The following THSD4 variants were observed in gnomAD, a reference collection of about 807,000 sequenced individuals.
THSD4 encodes the protein thrombospondin type-1 domain-containing protein 4.
THSD4 carries 69 observed loss-of-function variants against 119.0 expected under a neutral mutation model. That is an observed-to-expected ratio of 0.58 (90% confidence interval 0.48 to 0.71). The LOEUF is 0.71. THSD4 is among the 30% of genes least tolerant of loss of function. The pLI, the probability that THSD4 is intolerant of heterozygous loss-of-function variation, is 0.00. For synonymous variants in THSD4, 524 were observed against 540.4 expected (o/e 0.97, Z 0.42); for missense variants, 1,393 against 1,391.1 (o/e 1.00, Z -0.02).
intron 6 of THSD4, among the ~76,000 whole-genome samples, chr15:71,349,281 G>A (rs1286532156): frequency 6.6e-6 from 1 of 152,216 alleles, no homozygotes; most frequent in Non-Finnish European, 1.5e-5. Context: ...GGCCAGCCCA[G>A]AAAAGCACCT....
intron 7 of THSD4, among the ~76,000 whole-genome samples, chr15:71,636,881 AT>A (rs1453613144): frequency 6.7e-6 from 1 of 148,290 alleles, no homozygotes; most frequent in Admixed American, 6.7e-5. Flanking sequence ...CTCTCTCAAT[AT>A]TTTTTTCTTT....
chr15:71,527,918 G>T (rs1442908623), intron 7 of THSD4, among the ~76,000 whole-genome samples: 4 of 151,858 alleles, frequency 2.6e-5, no homozygotes, highest in Non-Finnish European at 4.4e-5. Flanking sequence ...TTGCCATGTT[G>T]CCCAGGCTGG....
intron 7 of THSD4, among the ~76,000 whole-genome samples, chr15:71,623,384 G>A (rs954760494): frequency 3.7e-4 from 56 of 152,244 alleles, no homozygotes; most frequent in Middle Eastern, 3.4e-3. Context: ...CTTTAATCCC[G>A]TCTTACAGAA....
At chr15:71,326,683 AAAAAAAAAAAAAAAAAAATAT>A (rs1184942666) in intron 6 of THSD4, among the ~76,000 whole-genome samples, 4 of 40,810 alleles carry the variant, frequency 9.8e-5, no homozygotes, top group African/African-American at 3.0e-4. Flanking sequence ...CAAAAAAAAA[AAAAAAAAAAAAAAAAAAATAT>A]ATATATATAT....
intron 7 of THSD4, among the ~76,000 whole-genome samples, chr15:71,442,998 A>G (rs2047130989): frequency 6.6e-6 from 1 of 151,914 alleles, no homozygotes; most frequent in Non-Finnish European, 1.5e-5. Context: ...TTGAGGGCAG[A>G]CCCAGGAAGA....
intron 7 of THSD4, among the ~76,000 whole-genome samples, chr15:71,481,795 A>G (rs750340085): frequency 5.3e-5 from 8 of 152,218 alleles, no homozygotes; most frequent in African/African-American, 9.7e-5. Flanking sequence ...TAAGTGATCA[A>G]TCCTTCTGTA....
At chr15:71,307,305 G>A (rs1237477270) in intron 6 of THSD4, among the ~76,000 whole-genome samples, 2 of 152,128 alleles carry the variant, frequency 1.3e-5, no homozygotes, top group Admixed American at 6.6e-5. Flanking sequence ...CTGTGTCACC[G>A]TCTTCCCACA....
At chr15:71,581,804 T>C (rs1402563071) in intron 7 of THSD4, among the ~76,000 whole-genome samples, 1 of 152,208 alleles carries the variant, frequency 6.6e-6, no homozygotes, top group East Asian at 1.9e-4. Flanking sequence ...GGCACCCTGG[T>C]TGAAGATCAT....
At chr15:71,314,466 G>A (rs543891734) in intron 6 of THSD4, among the ~76,000 whole-genome samples, 3 of 152,018 alleles carry the variant, frequency 2.0e-5, no homozygotes, top group Admixed American at 6.5e-5. Flanking sequence ...ACTACCACGC[G>A]CAGCTAATTA....
At chr15:71,250,630 C>G (rs956619989) in intron 5 of THSD4, among the ~76,000 whole-genome samples, 3 of 152,044 alleles carry the variant, frequency 2.0e-5, no homozygotes, top group Admixed American at 6.6e-5. Context: ...AATTTTTTAA[C>G]AAGTTTACAT....
intron 6 of THSD4, among the ~76,000 whole-genome samples, chr15:71,358,690 A>G (rs1467792180): frequency 1.3e-5 from 2 of 152,242 alleles, no homozygotes; most frequent in African/African-American, 4.8e-5. Flanking sequence ...ATACACGTAA[A>G]GTGCCTAGAA....
At chr15:71,177,865 A>G (rs963068529) in intron 3 of THSD4, among the ~76,000 whole-genome samples, 1 of 151,472 alleles carries the variant, frequency 6.6e-6, no homozygotes, top group Non-Finnish European at 1.5e-5. Flanking sequence ...AATCCAGCCT[A>G]TAAACAGAAC....
At chr15:71,489,088 C>T (rs1254998703) in intron 7 of THSD4, among the ~76,000 whole-genome samples, 1 of 152,170 alleles carries the variant, frequency 6.6e-6, no homozygotes, top group Non-Finnish European at 1.5e-5. Context: ...AGAAATTTCC[C>T]CAGAAAAGCT....
At chr15:71,564,457 G>T (rs1302591959) in intron 7 of THSD4, among the ~76,000 whole-genome samples, 1 of 152,166 alleles carries the variant, frequency 6.6e-6, no homozygotes, top group African/African-American at 2.4e-5. Flanking sequence ...AAGAAGATTG[G>T]AGGTGGAAGG....
At chr15:71,238,954 A>T (rs568769973) in intron 4 of THSD4, among the ~76,000 whole-genome samples, 3 of 152,272 alleles carry the variant, frequency 2.0e-5, no homozygotes, top group Admixed American at 1.3e-4. Flanking sequence ...ACACACTATT[A>T]TCTGTCTTTT....
intron 6 of THSD4, among the ~76,000 whole-genome samples, chr15:71,263,501 A>G (rs1274678753): frequency 2.0e-5 from 3 of 152,062 alleles, no homozygotes; most frequent in Non-Finnish European, 4.4e-5. Flanking sequence ...TCCTTTGGGT[A>G]TGTACCCAGA....
chr15:71,618,915 A>G (rs2050370767), intron 7 of THSD4, among the ~76,000 whole-genome samples: 1 of 151,916 alleles, frequency 6.6e-6, no homozygotes, highest in Admixed American at 6.6e-5. Flanking sequence ...TTTCTCAAAA[A>G]GGAAGGTACT....
intron 6 of THSD4, among the ~76,000 whole-genome samples, chr15:71,359,037 A>G (rs1239564207): frequency 1.3e-5 from 2 of 152,244 alleles, no homozygotes; most frequent in Non-Finnish European, 2.9e-5. Context: ...TGGCAAGGAT[A>G]GTCCTTGTTA....
At chr15:71,590,517 A>G (rs369019013) in intron 7 of THSD4, among the ~76,000 whole-genome samples, 3 of 109,752 alleles carry the variant, frequency 2.7e-5, no homozygotes, top group African/African-American at 9.4e-5. Context: ...ATGAGAACAC[A>G]TGGACACATG....
Sources: gnomAD v4.1 joint callset for allele counts (sites outside exome capture counted in the v4.1 genomes callset) on GRCh38, gnomAD v4.1.1 for gene constraint, MANE v1.5 for transcripts, NCBI Gene and HGNC (gene_info 2026-07-23, HGNC 2026-07-21) for gene names.